The following RAP1A variants were observed in gnomAD, a reference collection of about 807,000 sequenced individuals.
RAP1A encodes the protein RAP1A, member of RAS oncogene family.
RAP1A carries 6 observed loss-of-function variants against 26.4 expected under a neutral mutation model. The observed-to-expected ratio is 0.23, with a 90% CI of 0.12 to 0.45. The LOEUF is 0.45. Among genes scored for constraint, RAP1A ranks in the 20% least tolerant of loss-of-function variants. The pLI is 0.99. For missense variants in RAP1A, 121 were observed against 217.2 expected (o/e 0.56, Z 2.78); for synonymous variants, 73 against 79.4 (o/e 0.92, Z 0.43).
intron 1 of RAP1A, among the ~76,000 whole-genome samples, chr1:111,579,789 CATTTATTTATTTATTT>C (rs71763753): frequency 0.24 from 35,875 of 148,116 alleles, 5,170 homozygotes; most frequent in Non-Finnish European, 0.31. Flanking sequence ...TGAATATCTC[CATTTATTTATTTATTT>C]ATTTATTTAT....
chr1:111,543,973 T>A (rs546414550), intron 1 of RAP1A, among the ~76,000 whole-genome samples: 8 of 152,300 alleles, frequency 5.3e-5, no homozygotes, highest in Admixed American at 5.2e-4. Context: ...TGTTGAAGGT[T>A]TCTAAATTTT....
chr1:111,682,174 T>A (rs964654035), intron 1 of RAP1A, among the ~76,000 whole-genome samples: 3 of 152,160 alleles, frequency 2.0e-5, no homozygotes, highest in African/African-American at 7.2e-5. Context: ...AGGCCTGCCT[T>A]ACAAGAGGCC....
intron 1 of RAP1A, among the ~76,000 whole-genome samples, chr1:111,655,954 T>C (rs2101146583): frequency 6.6e-6 from 1 of 152,112 alleles, no homozygotes; most frequent in African/African-American, 2.4e-5. Flanking sequence ...CCTCCCAAAG[T>C]GCTGGGATTA....
chr1:111,634,723 C>T (rs1445059608), intron 1 of RAP1A, among the ~76,000 whole-genome samples: 3 of 151,874 alleles, frequency 2.0e-5, no homozygotes, highest in African/African-American at 7.3e-5. Flanking sequence ...CGGCTCACTG[C>T]AACCTCCACC....
At chr1:111,709,012 C>T (rs1375612561) in intron 6 of RAP1A, 137 bp from the exon 7 acceptor site, 1 of 1,148,406 alleles carries the variant, frequency 8.7e-7, no homozygotes, top group East Asian at 2.9e-5. Flanking sequence ...GTCAGCAGAG[C>T]CTTCTAACAA....
chr1:111,651,694 C>T (rs1288108735), intron 1 of RAP1A, among the ~76,000 whole-genome samples: 1 of 151,946 alleles, frequency 6.6e-6, no homozygotes, highest in Non-Finnish European at 1.5e-5. Context: ...CCAGGCTGGT[C>T]TTGAACTCCT....
intron 1 of RAP1A, among the ~76,000 whole-genome samples, chr1:111,567,843 T>C (rs1215003809): frequency 1.8e-4 from 28 of 152,254 alleles, no homozygotes; most frequent in Admixed American, 1.8e-3. Flanking sequence ...CCAAATTTTC[T>C]GTCACCTTGA....
rs1417782007 is a variant in RAP1A, at chr1:111,564,512, C to A, written c.-28+22003C>A. On this transcript the variant is annotated intron_variant, in intron 1 of 7. Coordinates refer to the RAP1A transcript ENST00000356415. ...TGGGCAACAGAGTGAGACCCCAACT[C>A]TTTTTTTTTTTTTTTTTTGAGACGG... Among the ~76,000 whole-genome samples, 4 of 119,970 alleles carry A rather than the reference C, an allele frequency of 3.3e-5. No homozygotes were observed. The East Asian group carries it at 1.0e-3, about 31-fold the overall frequency. The allele number at this position is 119,970 out of a possible 152,430, so 78.7% of individuals were successfully genotyped here.
upstream of RAP1A, among the ~76,000 whole-genome samples, chr1:111,616,087 G>A (rs1659009560): frequency 6.6e-6 from 1 of 152,184 alleles, no homozygotes; most frequent in South Asian, 2.1e-4. Context: ...AAAAGAGGAA[G>A]TCAGGAAGAG....
At chr1:111,543,297 C>T (rs992518169) in intron 1 of RAP1A, among the ~76,000 whole-genome samples, 1 of 151,982 alleles carries the variant, frequency 6.6e-6, no homozygotes, top group African/African-American at 2.4e-5. Flanking sequence ...TATATTTCAC[C>T]TTAAAATCAG....
chr1:111,584,701 C>G (rs1658326665), intron 1 of RAP1A, among the ~76,000 whole-genome samples: 1 of 152,140 alleles, frequency 6.6e-6, no homozygotes. Flanking sequence ...CTTCTAATGT[C>G]TCTAGAGAAA....
At chr1:111,681,748 G>A (rs778264105) in intron 1 of RAP1A, among the ~76,000 whole-genome samples, 4 of 152,198 alleles carry the variant, frequency 2.6e-5, no homozygotes, top group Admixed American at 6.5e-5. Context: ...AAGTGACGGG[G>A]AGAATGGAAC....
chr1:111,711,852 C>A (rs1571580934), intron 7 of RAP1A, among the ~76,000 whole-genome samples: 1 of 152,126 alleles, frequency 6.6e-6, no homozygotes, highest in East Asian at 1.9e-4. Flanking sequence ...GAGAGAAATT[C>A]ATCATGTGGA....
chr1:111,678,656 A>G (rs1415235939), intron 1 of RAP1A, among the ~76,000 whole-genome samples: 2 of 152,224 alleles, frequency 1.3e-5, no homozygotes, highest in African/African-American at 2.4e-5. Flanking sequence ...TTAAACATAG[A>G]AAAGTTACAG....
At chr1:111,564,673 C>T (rs547968569) in intron 1 of RAP1A, among the ~76,000 whole-genome samples, 18 of 152,008 alleles carry the variant, frequency 1.2e-4, no homozygotes, top group African/African-American at 2.4e-4. Flanking sequence ...CCACCACACC[C>T]GGCTAATTTT....
intron 1 of RAP1A, among the ~76,000 whole-genome samples, chr1:111,682,213 A>C (rs372120944): frequency 9.8e-5 from 15 of 152,360 alleles, no homozygotes; most frequent in African/African-American, 2.6e-4. Flanking sequence ...ATGGAAAGGA[A>C]AAACCGGTAC....
chr1:111,705,150 T>G (rs989363677), intron 6 of RAP1A, among the ~76,000 whole-genome samples: 2 of 152,168 alleles, frequency 1.3e-5, no homozygotes, highest in African/African-American at 4.8e-5. Context: ...CCCTAAAAAT[T>G]TAGAGCAATT....
intron 1 of RAP1A, among the ~76,000 whole-genome samples, chr1:111,681,143 A>G (rs1462124616): frequency 6.6e-6 from 1 of 152,214 alleles, no homozygotes; most frequent in Non-Finnish European, 1.5e-5. Context: ...GCTACTCAGG[A>G]GGCTGAGGCA....
chr1:111,544,562 T>C lies in RAP1A; in HGVS notation c.-28+2053T>C, dbSNP rs185100142. Among the ~76,000 whole-genome samples, 11 of 152,340 alleles carry C rather than the reference T, an allele frequency of 7.2e-5. No individual in the cohort carries two copies. In the East Asian group the frequency reaches 2.1e-3, roughly 29 times the overall value. The stretch of plus-strand genomic sequence containing the variant: ...TATATCAGTCATTTTTGTAGTTGAA[T>C]AACGTTCCATTATATACCACATTTT... On this transcript the variant is annotated intron_variant, in intron 1 of 7. Transcript: ENST00000356415.
Sources: gnomAD v4.1 joint callset for allele counts (sites outside exome capture counted in the v4.1 genomes callset) on GRCh38, gnomAD v4.1.1 for gene constraint, MANE v1.5 for transcripts, NCBI Gene and HGNC (gene_info 2026-07-23, HGNC 2026-07-21) for gene names.